Variants in CDH13 observed in about 807,000 individuals in gnomAD.
CDH13 encodes the protein cadherin 13, also known as cadherin-13.
CDH13 carries 24 observed loss-of-function variants against 63.8 expected under a neutral mutation model. The ratio of observed to expected loss-of-function variants is 0.38; its 90% CI spans 0.27 to 0.53. The LOEUF is 0.53. CDH13 is among the 20% of genes least tolerant of loss of function. CDH13 has a pLI of 0.85. For missense variants in CDH13, 1,049 were observed against 903.1 expected, an observed-to-expected ratio of 1.16 and a Z score of -2.07; for synonymous variants, 503 against 355.3, an observed-to-expected ratio of 1.42 and a Z score of -4.67.
chr16:82,921,574 G>C (rs1006746525), intron 2 of CDH13, among the ~76,000 whole-genome samples: 1 of 152,148 alleles, frequency 6.6e-6, no homozygotes, highest in Admixed American at 6.5e-5. Flanking sequence ...AGTATTTACA[G>C]GTTGCAGGGC....
intron 3 of CDH13, among the ~76,000 whole-genome samples, chr16:83,082,587 G>A (rs939944499): frequency 6.6e-6 from 1 of 152,176 alleles, no homozygotes; most frequent in African/African-American, 2.4e-5. Context: ...GTTGCAGTGA[G>A]CCAAGACCAT....
chr16:82,664,307 T>G (rs2150931218), intron 1 of CDH13, among the ~76,000 whole-genome samples: 1 of 152,362 alleles, frequency 6.6e-6, no homozygotes, highest in South Asian at 2.1e-4. Flanking sequence ...AAAAGCATCC[T>G]GCTTCACTCT....
intron 3 of CDH13, among the ~76,000 whole-genome samples, chr16:83,122,831 C>A (rs2035644950): frequency 6.6e-6 from 1 of 152,074 alleles, no homozygotes; most frequent in Admixed American, 6.5e-5. Context: ...CTTACATGCA[C>A]ACACTGTGTA....
intron 1 of CDH13, among the ~76,000 whole-genome samples, chr16:82,832,420 T>C (rs1191751078): frequency 6.6e-6 from 1 of 152,192 alleles, no homozygotes; most frequent in African/African-American, 2.4e-5. Flanking sequence ...TGACTTTTCA[T>C]CTCTTCTTCC....
At chr16:83,545,148 C>T (rs983786211) in intron 7 of CDH13, among the ~76,000 whole-genome samples, 9 of 152,304 alleles carry the variant, frequency 5.9e-5, no homozygotes, top group African/African-American at 2.2e-4. Flanking sequence ...AGTCCTTCAG[C>T]TCCTTAGCCC....
At chr16:83,737,270 T>C (rs1403811036) in intron 10 of CDH13, among the ~76,000 whole-genome samples, 1 of 152,246 alleles carries the variant, frequency 6.6e-6, no homozygotes. Context: ...AGTTCCTTGA[T>C]ATCTACATCA....
chr16:82,736,810 T>G (rs58802572), intron 1 of CDH13, among the ~76,000 whole-genome samples: 10 of 152,206 alleles, frequency 6.6e-5, no homozygotes, highest in African/African-American at 2.4e-4. Flanking sequence ...CCCACCACTT[T>G]AAGAGAAGGA....
intron 2 of CDH13, among the ~76,000 whole-genome samples, chr16:83,005,737 T>A (rs1597393500): frequency 6.6e-6 from 1 of 152,234 alleles, no homozygotes; most frequent in African/African-American, 2.4e-5. Context: ...AGAGCTAGGC[T>A]TTTTGTTTCT....
intron 5 of CDH13, among the ~76,000 whole-genome samples, chr16:83,294,574 C>G (rs778957996): frequency 6.7e-6 from 1 of 149,674 alleles, no homozygotes. Flanking sequence ...GATTTCCTGT[C>G]TCATATAATA....
intron 5 of CDH13, among the ~76,000 whole-genome samples, chr16:83,301,783 T>C (rs1164085977): frequency 6.6e-6 from 1 of 152,108 alleles, no homozygotes; most frequent in East Asian, 1.9e-4. Flanking sequence ...CCTGTAATTT[T>C]TTTTTCTGTA....
At chr16:82,910,820 C>T (rs1310411312) in intron 2 of CDH13, among the ~76,000 whole-genome samples, 1 of 152,076 alleles carries the variant, frequency 6.6e-6, no homozygotes, top group African/African-American at 2.4e-5. Context: ...CCATATTGTC[C>T]CTTTCAGAGC....
At chr16:83,027,623 A>G (rs1317106018) in intron 2 of CDH13, among the ~76,000 whole-genome samples, 3 of 152,182 alleles carry the variant, frequency 2.0e-5, no homozygotes, top group African/African-American at 7.2e-5. Context: ...CCATAATTAT[A>G]TGAGACTCAG....
At chr16:83,232,567 A>AG (rs2040034695) in intron 5 of CDH13, among the ~76,000 whole-genome samples, 3 of 150,780 alleles carry the variant, frequency 2.0e-5, no homozygotes, top group Non-Finnish European at 4.4e-5. Context: ...AAAAAAAAAA[A>AG]GTGTGGCACC....
At chr16:82,781,764 G>A (rs187173046) in intron 1 of CDH13, among the ~76,000 whole-genome samples, 8 of 152,208 alleles carry the variant, frequency 5.3e-5, no homozygotes, top group Middle Eastern at 6.8e-3. Flanking sequence ...AAATCAGTTG[G>A]CAAAACTGTA....
chr16:83,768,599 A>G (rs1207559361), intron 11 of CDH13, among the ~76,000 whole-genome samples: 5 of 152,174 alleles, frequency 3.3e-5, no homozygotes, highest in Non-Finnish European at 2.9e-5. Flanking sequence ...GAATAAAAGA[A>G]TGGCTACGAC....
intron 1 of CDH13, among the ~76,000 whole-genome samples, chr16:82,772,562 C>A (rs1164903652): frequency 6.6e-6 from 1 of 152,130 alleles, no homozygotes; most frequent in Admixed American, 6.5e-5. Context: ...AGAAAAAAAC[C>A]TAGAAATAAC....
At chr16:83,053,481 G>A (rs1297257766) in intron 3 of CDH13, among the ~76,000 whole-genome samples, 1 of 152,100 alleles carries the variant, frequency 6.6e-6, no homozygotes, top group African/African-American at 2.4e-5. Flanking sequence ...TGAAGTATAG[G>A]AGAAGCACAT....
At chr16:83,422,250 T>C (rs2071737615) in intron 6 of CDH13, among the ~76,000 whole-genome samples, 1 of 152,210 alleles carries the variant, frequency 6.6e-6, no homozygotes, top group African/African-American at 2.4e-5. Flanking sequence ...TTGAAGATGT[T>C]GTATCATTGA....
In CDH13 at chr16:83,216,427, T is replaced by TATATATATATAAAA. The variant is rs1555513894; in HGVS notation, c.484-907_484-906insAAAATATATATATA. On this transcript the variant is annotated intron_variant, in intron 4 of 13. Transcript: ENST00000567109. The stretch of plus-strand genomic sequence containing the variant: ...ATATATATATATATATATATATATA[T>TATATATATATAAAA]ATATATATATATATATACACAACCC... 1.3e-4 allele frequency among the ~76,000 whole-genome samples: 6 copies of TATATATATATAAAA among 45,070 alleles called. 1 individual carries two copies. Among genetic ancestry groups the TATATATATATAAAA allele is most frequent in the African/African-American group, 3.5e-4 (6 of 16,932 alleles). The allele number at this position is 45,070 out of a possible 152,430, so 29.6% of individuals were successfully genotyped here.
Sources: gnomAD v4.1 joint callset for allele counts (sites outside exome capture counted in the v4.1 genomes callset) on GRCh38, gnomAD v4.1.1 for gene constraint, MANE v1.5 for transcripts, NCBI Gene and HGNC (gene_info 2026-07-23, HGNC 2026-07-21) for gene names.